Variants in RGS7 observed in about 807,000 individuals in gnomAD.
RGS7 encodes regulator of G-protein signaling 7.
In RGS7, 27 loss-of-function variants were observed where a neutral mutation model predicts 81.1. The observed-to-expected ratio is 0.33, with a 90% CI of 0.25 to 0.46. The LOEUF (loss-of-function observed/expected upper bound fraction) is 0.46. RGS7 is among the 20% of genes least tolerant of loss of function. The pLI is 1.00. For missense variants in RGS7, 396 were observed against 607.4 expected (o/e 0.65, Z 3.66); for synonymous variants, 208 against 207.7 (o/e 1.00, Z -0.01).
At chr1:241,275,337 G>A (rs893735210) in intron 2 of RGS7, among the ~76,000 whole-genome samples, 1 of 152,118 alleles carries the variant, frequency 6.6e-6, no homozygotes, top group Admixed American at 6.5e-5. Context: ...TTTTCACTCC[G>A]AGGAAAGGTA....
rs1443153036 is a variant in RGS7 at position 241,249,596 on chromosome 1, C to G, written c.78+106103G>C. The stretch of plus-strand genomic sequence containing the variant: ...AATTTTATAATCAATTTGTCAGGTT[C>G]TACGAAAAAGCCTGCTGAGATTTCA... On this transcript the variant is annotated intron_variant, in intron 2 of 18. Coordinates refer to ENST00000440928, the MANE Select transcript of RGS7 (RefSeq NM_001364886.1). Among the ~76,000 whole-genome samples, 7 of 152,060 alleles carry G rather than the reference C, an allele frequency of 4.6e-5. No homozygotes were observed. The East Asian group carries it at 1.3e-3, about 29-fold the overall frequency.
At chr1:241,077,642 G>A (rs1400401903) in intron 3 of RGS7, among the ~76,000 whole-genome samples, 1 of 152,178 alleles carries the variant, frequency 6.6e-6, no homozygotes, top group African/African-American at 2.4e-5. Context: ...ATTGCTCTCT[G>A]TTTCTGTTCT....
chr1:241,022,040 C>A (rs1297168786), intron 3 of RGS7, among the ~76,000 whole-genome samples: 1 of 152,090 alleles, frequency 6.6e-6, no homozygotes, highest in Non-Finnish European at 1.5e-5. Flanking sequence ...GATTTAAACG[C>A]AATACAGGGT....
At chr1:241,255,378 G>T (rs577859067) in intron 2 of RGS7, among the ~76,000 whole-genome samples, 1 of 152,330 alleles carries the variant, frequency 6.6e-6, no homozygotes, top group South Asian at 2.1e-4. Context: ...GACAGGTGTA[G>T]TTAGTGATAC....
At chr1:241,263,084 G>A (rs1193818909) in intron 2 of RGS7, among the ~76,000 whole-genome samples, 3 of 151,906 alleles carry the variant, frequency 2.0e-5, no homozygotes, top group East Asian at 3.9e-4. Context: ...GGGCGAAAGA[G>A]CAAAACTCTG....
chr1:240,834,190 A>G (rs1281839134), intron 9 of RGS7, among the ~76,000 whole-genome samples: 1 of 152,138 alleles, frequency 6.6e-6, no homozygotes, highest in African/African-American at 2.4e-5. Flanking sequence ...CTCCCGACCC[A>G]TCTACTTACT....
At chr1:240,897,024 G>A (rs552794495) in intron 6 of RGS7, among the ~76,000 whole-genome samples, 9 of 152,112 alleles carry the variant, frequency 5.9e-5, no homozygotes, top group Non-Finnish European at 1.2e-4. Context: ...GGACTCCTAG[G>A]TATTTTATTC....
chr1:241,282,245 G>A (rs1232547727), intron 2 of RGS7, among the ~76,000 whole-genome samples: 1 of 152,192 alleles, frequency 6.6e-6, no homozygotes, highest in Non-Finnish European at 1.5e-5. Flanking sequence ...AGGAGAATAT[G>A]CAGTATTTTC....
chr1:241,259,667 A>AATATATATATATATATATATATATATAT (rs59037983), intron 2 of RGS7, among the ~76,000 whole-genome samples: 1 of 49,134 alleles, frequency 2.0e-5, no homozygotes, highest in African/African-American at 7.9e-5. Flanking sequence ...AAAAAAAAAA[A>AATATATATATATATATATATATATATAT]ATATATATAT....
intron 6 of RGS7, among the ~76,000 whole-genome samples, chr1:240,927,704 C>T (rs922043467): frequency 2.0e-5 from 3 of 152,102 alleles, no homozygotes; most frequent in African/African-American, 4.8e-5. Context: ...TCTCCCATAT[C>T]CTCTTAATGG....
intron 3 of RGS7, among the ~76,000 whole-genome samples, chr1:241,065,208 G>T (rs112412110): frequency 9.8e-4 from 142 of 144,958 alleles, no homozygotes; most frequent in African/African-American, 3.5e-3. Flanking sequence ...ATATCATAGA[G>T]ATATATATAT....
At chr1:241,078,210 T>A (rs2062920404) in intron 3 of RGS7, among the ~76,000 whole-genome samples, 1 of 148,326 alleles carries the variant, frequency 6.7e-6, no homozygotes, top group South Asian at 2.1e-4. Context: ...TGGAGAGAGA[T>A]CAGAGGAGCA....
chr1:241,197,698 A>C (rs1024852834), intron 2 of RGS7, among the ~76,000 whole-genome samples: 13 of 151,914 alleles, frequency 8.6e-5, no homozygotes, highest in Non-Finnish European at 1.9e-4. Flanking sequence ...TAGTGTCAGA[A>C]TATACAAAGG....
intron 3 of RGS7, among the ~76,000 whole-genome samples, chr1:241,014,360 T>G (rs1331266168): frequency 6.6e-6 from 1 of 152,198 alleles, no homozygotes. Flanking sequence ...CAGGTGGCAT[T>G]GGTTAGATAG....
chr1:240,887,225 G>GTTTGTTGTT (rs60215189), intron 6 of RGS7, among the ~76,000 whole-genome samples: 1 of 135,186 alleles, frequency 7.4e-6, no homozygotes, highest in African/African-American at 3.4e-5. Context: ...TGAGTATATA[G>GTTTGTTGTT]GTTTTTTTTT....
rs185570579 is a variant in RGS7, at chr1:241,234,931, T to C, written c.78+120768A>G. 9.3e-4 allele frequency among the ~76,000 whole-genome samples: 141 copies of C among 152,324 alleles called. 1 individual carries two copies. The highest frequency in any genetic ancestry group is 3.0e-3 in the African/African-American group (124 of 41,574). On this transcript the variant is annotated intron_variant, in intron 2 of 18. Coordinates refer to ENST00000440928, the MANE Select transcript of RGS7 (RefSeq NM_001364886.1). ...CTGCTCCACATGGTTACCAAATCTC[T>C]TTCCAGGATAATAAAATCTTAACAT... is the stretch of plus-strand genomic sequence containing the variant.
At chr1:241,215,095 T>A (rs2074469139) in intron 2 of RGS7, among the ~76,000 whole-genome samples, 1 of 152,206 alleles carries the variant, frequency 6.6e-6, no homozygotes, top group South Asian at 2.1e-4. Context: ...GATTGTATAG[T>A]GGCACTGTGG....
At chr1:240,842,691 A>T (rs761446692) in intron 9 of RGS7, among the ~76,000 whole-genome samples, 1 of 152,104 alleles carries the variant, frequency 6.6e-6, no homozygotes, top group African/African-American at 2.4e-5. Flanking sequence ...TTCACTTCAA[A>T]GTTCTTCTGA....
At position 241,064,190 on chromosome 1, in the gene RGS7, A is replaced by G. The variant is rs530620789; in HGVS notation, c.175+34476T>C. Among the ~76,000 whole-genome samples the G allele has an allele frequency of 8.6e-5, 13 of 150,646 alleles. No individual in the cohort carries two copies. The South Asian group carries it at 1.9e-3, about 22-fold the overall frequency. On this transcript the variant is annotated intron_variant, in intron 3 of 18. Transcript: ENST00000440928. ...AAGAGTGAAACTCAGTTTCAAAAAAAAAAAAAAAAAAAAAATCAAATAAGA... is the reference window on the plus strand; with the variant it reads ...AAGAGTGAAACTCAGTTTCAAAAAAGAAAAAAAAAAAAAAATCAAATAAGA...
Sources: gnomAD v4.1 joint callset for allele counts (sites outside exome capture counted in the v4.1 genomes callset) on GRCh38, gnomAD v4.1.1 for gene constraint, MANE v1.5 for transcripts, NCBI Gene and HGNC (gene_info 2026-07-23, HGNC 2026-07-21) for gene names.